GOLGB1: variants seen among roughly 807,000 people sequenced by gnomAD.
GOLGB1 encodes golgin subfamily B member 1.
A neutral mutation model predicts 336.9 loss-of-function variants in GOLGB1; 174 were observed. That is an observed-to-expected ratio of 0.52 (90% CI 0.46 to 0.59). The LOEUF (loss-of-function observed/expected upper bound fraction) is 0.59, where lower values mean the gene tolerates loss of function less well. Among genes scored for constraint, GOLGB1 ranks in the 20% least tolerant of loss-of-function variants. GOLGB1 has a pLI of 0.00. For synonymous variants in GOLGB1, 1,208 were observed against 1,289.2 expected (o/e 0.94, Z 1.35); for missense variants, 3,331 against 3,645.3 (o/e 0.91, Z 2.22).
chr3:121,743,145 A>G (rs1947000199), intron 1 of GOLGB1, among the ~76,000 whole-genome samples: 2 of 152,316 alleles, frequency 1.3e-5, no homozygotes, highest in South Asian at 2.1e-4. Context: ...AAATCATGCT[A>G]CTATAAAGAC....
At chr3:121,689,325 G>C (rs1356531192) in intron 14 of GOLGB1, among the ~76,000 whole-genome samples, 3 of 152,182 alleles carry the variant, frequency 2.0e-5, no homozygotes, top group African/African-American at 7.2e-5. Flanking sequence ...CTTCGGCCTT[G>C]GGATCCTGTT....
rs762656767 is a variant in GOLGB1, at chr3:121,696,406, C to T, written c.4117G>A (p.Glu1373Lys). Residue 1373 changes from glutamate (E) to lysine (K), a missense_variant, in exon 13 of 22, where the codon GAA (glutamate) becomes AAA (lysine). Glu to Lys is a moderately conservative substitution (Grantham distance 56, BLOSUM62 1). Coordinates refer to ENST00000614479, the MANE Select transcript of GOLGB1 (RefSeq NM_001366282.2). ...CTTTCCAATTTCTGCTGCAGGCTTT[C>T]GGCATGGACTTCAGCTTCATGGGAT... ...TVSHEAEVHA[E>K]SLQQKLESSQ... The T allele has an allele frequency of 1.1e-5, 17 of 1,614,026 alleles. No individual in the cohort carries two copies. The highest frequency in any genetic ancestry group is 8.0e-5 in the African/African-American group (6 of 74,930).
At chr3:121,685,368 C>T (rs955231591) in intron 14 of GOLGB1, among the ~76,000 whole-genome samples, 2 of 151,920 alleles carry the variant, frequency 1.3e-5, no homozygotes, top group African/African-American at 4.8e-5. Flanking sequence ...AACCCTGTCT[C>T]TACTAAAAAT....
Position 121,681,678 on chromosome 3 carries a change from A to G in GOLGB1, c.8873+9T>C. The stretch of plus-strand genomic sequence containing the variant: ...AAAAGAGTTGAAAAGGAGGGATTAT[A>G]TATAGTACCTGAGCTGATGCAGCTC... On this transcript the variant is annotated intron_variant, in intron 15 of 21. Coordinates refer to ENST00000614479, the MANE Select transcript of GOLGB1 (RefSeq NM_001366282.2). 3 of 1,552,418 alleles carry G rather than the reference A, an allele frequency of 1.9e-6. No homozygotes were observed. The South Asian group carries it at 3.5e-5, about 18-fold the overall frequency.
intron 10 of GOLGB1, 126 bp downstream of exon 10, chr3:121,714,735 A>AT: frequency 2.9e-6 from 2 of 678,796 alleles, no homozygotes; most frequent in Non-Finnish European, 5.2e-6. Flanking sequence ...TCAAAAAAGT[A>AT]TTTTTTCAGG....
chr3:121,671,886 G>A (rs1478381067), intron 17 of GOLGB1, among the ~76,000 whole-genome samples: 2 of 151,312 alleles, frequency 1.3e-5, no homozygotes, highest in Non-Finnish European at 2.9e-5. Flanking sequence ...ACACGAGTGA[G>A]AATGTGATAT....
At chr3:121,681,425 C>T (rs565632554) in intron 15 of GOLGB1, among the ~76,000 whole-genome samples, 25 of 152,216 alleles carry the variant, frequency 1.6e-4, no homozygotes, top group African/African-American at 5.8e-4. Context: ...ATATACATGT[C>T]ACAAAATTGC....
chr3:121,703,939 A>T (rs1354723722), intron 10 of GOLGB1, among the ~76,000 whole-genome samples: 1 of 152,158 alleles, frequency 6.6e-6, no homozygotes, highest in East Asian at 1.9e-4. Context: ...AAATCTTAGT[A>T]AAACAAACAA....
chr3:121,668,645 C>A (rs917244320), intron 18 of GOLGB1: 1 of 150,002 alleles, frequency 6.7e-6, no homozygotes, highest in East Asian at 1.9e-4. Context: ...TGCATTCCAG[C>A]CTGGGCGACA....
At chr3:121,682,503 T>G (rs1479110678) in intron 14 of GOLGB1, among the ~76,000 whole-genome samples, 1 of 152,196 alleles carries the variant, frequency 6.6e-6, no homozygotes, top group Non-Finnish European at 1.5e-5. Flanking sequence ...CATAAGAATA[T>G]GAGAAGTAAA....
chr3:121,708,379 C>A (rs890831851), intron 10 of GOLGB1, among the ~76,000 whole-genome samples: 3 of 152,060 alleles, frequency 2.0e-5, no homozygotes, highest in Admixed American at 1.3e-4. Context: ...TACCTGTAAT[C>A]CCAGCACTTC....
rs144385283 is a variant in GOLGB1, at chr3:121,696,867, C to T, written c.3656G>A (p.Arg1219His). ...TTGCTCATCAAACTGTTCTTGCAAGCGATTATAGTCATCTTTCTGTTGCTT... is the reference window on the plus strand; with the variant it reads ...TTGCTCATCAAACTGTTCTTGCAAGTGATTATAGTCATCTTTCTGTTGCTT... ...ELKQQKDDYN[R>H]LQEQFDEQSK... Residue 1219 changes from arginine (R) to histidine (H), a missense_variant, in exon 13 of 22, where the codon CGC becomes CAC. Coordinates refer to ENST00000614479, the MANE Select transcript of GOLGB1 (RefSeq NM_001366282.2). The T allele has an allele frequency of 2.5e-5, 41 of 1,614,124 alleles. 1 individual carries two copies. The highest frequency in any genetic ancestry group is 2.2e-4 in the South Asian group (20 of 91,086).
chr3:121,673,188 T>C lies in GOLGB1; in HGVS notation c.9177+3705A>G, dbSNP rs530907558. Among the ~76,000 whole-genome samples, 11 of 151,930 alleles carry C rather than the reference T, an allele frequency of 7.2e-5. No individual in the cohort carries two copies. In the South Asian group the frequency reaches 1.9e-3, roughly 26 times the overall value. On this transcript the variant is annotated intron_variant, in intron 17 of 21. Transcript: ENST00000614479. ...GGGTTCAAGCAATTCTCTGCCTCAG[T>C]CTCCCAAGTAGCTGGGATTACAGGC...
At chr3:121,700,048 T>C (rs1018830172) in intron 11 of GOLGB1, among the ~76,000 whole-genome samples, 163 bp from the exon 12 acceptor site, 1 of 152,066 alleles carries the variant, frequency 6.6e-6, no homozygotes, top group Non-Finnish European at 1.5e-5. Context: ...CAAGAGGATA[T>C]GATTACATGA....
At chr3:121,698,953 A>G in intron 12 of GOLGB1, 24 bp from the exon 13 acceptor site, 1 of 1,477,596 alleles carries the variant, frequency 6.8e-7, no homozygotes, top group Non-Finnish European at 9.0e-7. Flanking sequence ...AGAAAAAAAA[A>G]GCTGTAATCA....
rs1942799679 is a variant in GOLGB1, at chr3:121,694,908, T to C, written c.5615A>G (p.Glu1872Gly). ...QKNKEFSQTLENEKNTLLSQI... is the reference protein window; with the variant it reads ...QKNKEFSQTLGNEKNTLLSQI... The stretch of plus-strand genomic sequence containing the variant: ...ACTCAGTAAGGTATTTTTCTCATTT[T>C]CTAAAGTCTGGCTAAATTCCTTGTT... Residue 1872 changes from glutamate (E) to glycine (G), a missense_variant, in exon 13 of 22, where the codon GAA (glutamate) becomes GGA (glycine). Coordinates refer to ENST00000614479, the MANE Select transcript of GOLGB1 (RefSeq NM_001366282.2). 2 of 1,613,968 alleles carry C rather than the reference T, an allele frequency of 1.2e-6. No individual in the cohort carries two copies. Among genetic ancestry groups the C allele is most frequent in the African/African-American group, 2.7e-5 (2 of 74,942 alleles).
chr3:121,714,895 G>C lies in GOLGB1; in HGVS notation c.1370C>G (p.Thr457Ser). Residue 457 changes from threonine to serine, a missense_variant, in exon 10 of 22, where the codon ACT becomes AGT. Physicochemically the swap from Thr to Ser is moderately conservative, Grantham distance 58. Coordinates refer to ENST00000614479, the MANE Select transcript of GOLGB1 (RefSeq NM_001366282.2). The part of the protein sequence containing the change: ...PLQQHETASQ[T>S]SFPDVYNEGT... ...CTCATTATAAACATCTGGGAAAGAA[G>C]TCTGAGATGCTGTTTCATGTTGTTG... The C allele has an allele frequency of 6.2e-7, 1 of 1,611,186 alleles. No homozygotes were observed. The highest frequency in any genetic ancestry group is 1.1e-5 in the South Asian group (1 of 91,012).
intron 10 of GOLGB1, among the ~76,000 whole-genome samples, chr3:121,710,097 C>T (rs1195722749): frequency 3.5e-5 from 5 of 142,928 alleles, no homozygotes; most frequent in African/African-American, 5.2e-5. Context: ...AAACTGGCAC[C>T]GGGTGGAAAA....
chr3:121,696,296 C>T lies in GOLGB1; in HGVS notation c.4227G>A (p.Lys1409=), dbSNP rs751606614. Residue 1409 remains lysine, a synonymous_variant, in exon 13 of 22, where the codon AAG becomes AAA. Transcript: ENST00000614479. ...LDELQKLISK[K]EEDVSYLSGQ... The stretch of plus-strand genomic sequence containing the variant: ...CAGAAAGGTAGCTAACGTCTTCTTC[C>T]TTTTTGCTTATGAGTTTTTGCAGTT... 3 of 1,613,908 alleles carry T rather than the reference C, an allele frequency of 1.9e-6. No individual in the cohort carries two copies. The African/African-American group carries it at 4.0e-5, about 22-fold the overall frequency.
Sources: gnomAD v4.1 joint callset for allele counts (sites outside exome capture counted in the v4.1 genomes callset) on GRCh38, gnomAD v4.1.1 for gene constraint, MANE v1.5 for transcripts, NCBI Gene and HGNC (gene_info 2026-07-23, HGNC 2026-07-21) for gene names.